Variants in FRMPD4 observed in about 807,000 individuals in gnomAD.
The protein encoded by FRMPD4 is FERM and PDZ domain-containing protein 4.
FRMPD4 carries 22 observed loss-of-function variants against 94.1 expected under a neutral mutation model. That is an observed-to-expected ratio of 0.23 (90% CI 0.17 to 0.33). FRMPD4 has a LOEUF of 0.33. Ranked by LOEUF, FRMPD4 falls within the 10% of genes least tolerant of loss-of-function variation. The pLI, the probability that FRMPD4 is intolerant of heterozygous loss-of-function variation, is 1.00. For missense variants in FRMPD4, 1,111 were observed against 1,339.9 expected (o/e 0.83, Z 2.67); for synonymous variants, 631 against 548.6 (o/e 1.15, Z -2.10).
At chrX:12,346,911 C>G (rs1449071967) in intron 1 of FRMPD4, among the ~76,000 whole-genome samples, 1 of 112,104 alleles carries the variant, frequency 8.9e-6, no homozygotes, top group East Asian at 2.8e-4. Flanking sequence ...AATCTATTAT[C>G]CACTCTTCTG....
chrX:11,848,241 A>G (rs182736611), intron 1 of FRMPD4, among the ~76,000 whole-genome samples: 1 of 110,610 alleles, frequency 9.0e-6, no homozygotes, highest in East Asian at 2.9e-4. Flanking sequence ...ACTTGCCTGC[A>G]GTTAATTTGT....
chrX:12,089,659 T>C (rs1275279178), intron 3 of FRMPD4, among the ~76,000 whole-genome samples: 1 of 112,345 alleles, frequency 8.9e-6, no homozygotes, highest in African/African-American at 3.2e-5. Context: ...TGCTTTTTCA[T>C]TGATTTGTAC....
intron 1 of FRMPD4, among the ~76,000 whole-genome samples, chrX:12,417,025 A>G (rs1327203005): frequency 3.6e-5 from 4 of 111,795 alleles, no homozygotes; most frequent in East Asian, 5.6e-4. Flanking sequence ...TTTGAGATTT[A>G]AAGGCTCGGC....
chrX:11,989,465 G>T (rs1243526636), intron 3 of FRMPD4, among the ~76,000 whole-genome samples: 2 of 108,118 alleles, frequency 1.8e-5, no homozygotes, highest in Non-Finnish European at 1.9e-5. Flanking sequence ...AGAGTAGAAG[G>T]ATGGTTACCA....
chrX:12,023,161 A>G (rs1407683206), intron 3 of FRMPD4, among the ~76,000 whole-genome samples: 1 of 111,848 alleles, frequency 8.9e-6, no homozygotes, highest in Non-Finnish European at 1.9e-5. Context: ...ATATGAGGTT[A>G]CAGTGAAAAG....
chrX:12,624,480 G>A (rs2059327333), intron 4 of FRMPD4, among the ~76,000 whole-genome samples: 1 of 111,200 alleles, frequency 9.0e-6, no homozygotes, highest in Admixed American at 9.6e-5. Flanking sequence ...TTTTATGTAG[G>A]CCTCATGGTA....
intron 2 of FRMPD4, among the ~76,000 whole-genome samples, chrX:12,547,011 T>TTAA (rs2058485095): frequency 3.0e-5 from 1 of 33,764 alleles, no homozygotes; most frequent in African/African-American, 1.2e-4. Flanking sequence ...ACTGTCTCTT[T>TTAA]AAAAAAAAAA....
chrX:12,090,955 A>G (rs2055149230), intron 3 of FRMPD4, among the ~76,000 whole-genome samples: 1 of 111,927 alleles, frequency 8.9e-6, no homozygotes, highest in African/African-American at 3.2e-5. Context: ...AGCTTTTTTT[A>G]TATATAGCTC....
intron 3 of FRMPD4, among the ~76,000 whole-genome samples, chrX:12,035,847 TTGAAATGA>T (rs747237310): frequency 1.8e-5 from 2 of 111,957 alleles, no homozygotes; most frequent in African/African-American, 6.5e-5. Context: ...AATCTGTGCC[TTGAAATGA>T]TAGGCACATA....
chrX:12,722,561 GAGA>G lies in FRMPD4; in HGVS notation c.*708_*710del, dbSNP rs931448773. The G allele has an allele frequency of 3.6e-5, 4 of 111,249 alleles. No homozygotes were observed. Among genetic ancestry groups the G allele is most frequent in the African/African-American group, 1.3e-4 (4 of 30,627 alleles). 9.2% of individuals were successfully genotyped at this position (111,249 alleles called of 1,213,427 possible). On this transcript the variant is annotated 3_prime_UTR_variant, in exon 17 of 17. Transcript: ENST00000675598. The stretch of plus-strand genomic sequence containing the variant: ...TCTAGCATTTAAAAAACTTCCCGGG[GAGA>G]AGAACAGAGGGGATGATGGGCAGTT...
intron 8 of FRMPD4, among the ~76,000 whole-genome samples, chrX:12,693,623 A>G (rs1461684382): frequency 1.8e-5 from 2 of 112,200 alleles, no homozygotes; most frequent in Admixed American, 9.4e-5. Flanking sequence ...CTACTTTCCA[A>G]TGTGATGTCA....
chrX:12,672,496 A>G (rs771580788), intron 4 of FRMPD4, among the ~76,000 whole-genome samples: 31 of 112,441 alleles, frequency 2.8e-4, no homozygotes, highest in Non-Finnish European at 2.3e-4. Context: ...CTCTTTGAGC[A>G]TGTGCTGCTT....
At chrX:12,159,604 G>T (rs1400755859) in intron 1 of FRMPD4, among the ~76,000 whole-genome samples, 2 of 112,201 alleles carry the variant, frequency 1.8e-5, no homozygotes, top group Non-Finnish European at 3.8e-5. Context: ...AAGTCTGGCA[G>T]TAGAATATAT....
At chrX:12,201,912 G>GTAT (rs2056634942) in intron 1 of FRMPD4, among the ~76,000 whole-genome samples, 2 of 111,183 alleles carry the variant, frequency 1.8e-5, no homozygotes, top group South Asian at 7.5e-4. Flanking sequence ...CTGATGGCTT[G>GTAT]TATTCTTCCA....
intron 1 of FRMPD4, among the ~76,000 whole-genome samples, chrX:11,846,250 A>G (rs1387672074): frequency 9.4e-6 from 1 of 106,623 alleles, no homozygotes; most frequent in Non-Finnish European, 2.0e-5. Context: ...ACAAACAGAG[A>G]GCCAAATCAT....
intron 8 of FRMPD4, among the ~76,000 whole-genome samples, chrX:12,691,143 G>A (rs1369157313): frequency 4.5e-5 from 5 of 111,837 alleles, no homozygotes; most frequent in Non-Finnish European, 7.5e-5. Context: ...AAATATCCCC[G>A]ATTCTCTTGA....
intron 1 of FRMPD4, among the ~76,000 whole-genome samples, chrX:12,347,105 G>A (rs2055724850): frequency 8.9e-6 from 1 of 111,936 alleles, no homozygotes. Flanking sequence ...GCACAGGAAT[G>A]CAGGCTAGAT....
intron 1 of FRMPD4, among the ~76,000 whole-genome samples, chrX:12,340,140 A>G (rs775401059): frequency 8.9e-6 from 1 of 112,557 alleles, no homozygotes; most frequent in South Asian, 3.7e-4. Context: ...TCAGATTGCC[A>G]AGTATTCCTT....
At chrX:12,541,464 C>G (rs1287997617) in intron 2 of FRMPD4, among the ~76,000 whole-genome samples, 2 of 112,258 alleles carry the variant, frequency 1.8e-5, no homozygotes, top group African/African-American at 6.5e-5. Flanking sequence ...ATCAACACCT[C>G]TATGCAAATA....
Sources: gnomAD v4.1 joint callset for allele counts (sites outside exome capture counted in the v4.1 genomes callset) on GRCh38, gnomAD v4.1.1 for gene constraint, MANE v1.5 for transcripts, NCBI Gene and HGNC (gene_info 2026-07-23, HGNC 2026-07-21) for gene names.